Variants in SLC6A11 observed in about 807,000 individuals in gnomAD.
The protein encoded by SLC6A11 is solute carrier family 6 member 11.
A neutral mutation model predicts 74.8 loss-of-function variants in SLC6A11; 25 were observed. The observed-to-expected ratio is 0.33, with a 90% CI of 0.24 to 0.47. The LOEUF (loss-of-function observed/expected upper bound fraction) is 0.47. SLC6A11 is among the 20% of genes least tolerant of loss of function. SLC6A11 has a pLI of 1.00. For synonymous variants in SLC6A11, 330 were observed against 330.2 expected, an observed-to-expected ratio of 1.00 and a Z score of 0.01; for missense variants, 574 against 837.0, an observed-to-expected ratio of 0.69 and a Z score of 3.88.
At chr3:10,820,629 T>C (rs1218790883) in intron 3 of SLC6A11, among the ~76,000 whole-genome samples, 1 of 152,224 alleles carries the variant, frequency 6.6e-6, no homozygotes, top group Non-Finnish European at 1.5e-5. Context: ...GATATATTGT[T>C]TGTTTTTCCA....
Position 10,938,485 on chromosome 3 carries a change from A to G in SLC6A11, c.*83A>G. 1 of 1,389,156 alleles carries G rather than the reference A, an allele frequency of 7.2e-7. No homozygotes were observed. Among genetic ancestry groups the G allele is most frequent in the East Asian group, 2.3e-5 (1 of 43,018 alleles). 86.1% of individuals were successfully genotyped at this position (1,389,156 alleles called of 1,614,324 possible). A position where few individuals can be genotyped will look rare whatever the true frequency, so the allele number is the denominator to read the frequency against. On this transcript the variant is annotated 3_prime_UTR_variant, in exon 14 of 14. Transcript: ENST00000254488. Reference sequence around the variant, plus strand: ...ATTCCTGAACCCCATACTTCACCTAATGGTAGGGGCTTGCTTGTTTTGCAC... The same window carrying G: ...ATTCCTGAACCCCATACTTCACCTAGTGGTAGGGGCTTGCTTGTTTTGCAC...
chr3:10,881,510 G>T (rs977978386), intron 6 of SLC6A11, among the ~76,000 whole-genome samples: 7 of 152,204 alleles, frequency 4.6e-5, no homozygotes, highest in African/African-American at 1.7e-4. Flanking sequence ...GGTCCACTGG[G>T]AAAGTCAGGA....
At chr3:10,888,025 C>T (rs1432558984) in intron 6 of SLC6A11, among the ~76,000 whole-genome samples, 1 of 152,148 alleles carries the variant, frequency 6.6e-6, no homozygotes, top group Non-Finnish European at 1.5e-5. Flanking sequence ...AGATGACTGG[C>T]ATGAAAAGAG....
At chr3:10,857,064 G>A (rs1256782682) in intron 5 of SLC6A11, among the ~76,000 whole-genome samples, 1 of 152,284 alleles carries the variant, frequency 6.6e-6, no homozygotes. Flanking sequence ...TATTTAATGG[G>A]GAATTAAGAT....
chr3:10,818,233 A>G lies in SLC6A11; in HGVS notation c.257-1232A>G, dbSNP rs113512235. Among the ~76,000 whole-genome samples, 100 of 151,504 alleles carry G rather than the reference A, an allele frequency of 6.6e-4. 1 individual carries two copies. Among genetic ancestry groups the G allele is most frequent in the African/African-American group, 2.4e-3 (98 of 41,068 alleles). ...AGTAGCTTTGTGAATACACAGGTCAAAAGGCTTTCTGAAAGTGTCATACGT... is the reference window on the plus strand; with the variant it reads ...AGTAGCTTTGTGAATACACAGGTCAGAAGGCTTTCTGAAAGTGTCATACGT... On this transcript the variant is annotated intron_variant, in intron 1 of 13. Coordinates refer to ENST00000254488, the MANE Select transcript of SLC6A11 (RefSeq NM_014229.3).
intron 4 of SLC6A11, among the ~76,000 whole-genome samples, chr3:10,833,898 A>G (rs1694331254): frequency 6.6e-6 from 1 of 152,236 alleles, no homozygotes; most frequent in Non-Finnish European, 1.5e-5. Context: ...AGTATAGAAC[A>G]GGAAGCAGCA....
chr3:10,882,525 C>T (rs1694994214), intron 6 of SLC6A11, among the ~76,000 whole-genome samples: 2 of 152,134 alleles, frequency 1.3e-5, no homozygotes, highest in African/African-American at 2.4e-5. Context: ...CTGTTACTTG[C>T]CCTGTTCAAT....
At chr3:10,851,422 A>T (rs1280031588) in intron 5 of SLC6A11, among the ~76,000 whole-genome samples, 1 of 151,508 alleles carries the variant, frequency 6.6e-6, no homozygotes, top group African/African-American at 2.4e-5. Flanking sequence ...AAAACCACAC[A>T]CACAGACAGA....
At chr3:10,835,201 T>C (rs1232614776) in intron 4 of SLC6A11, among the ~76,000 whole-genome samples, 1 of 152,162 alleles carries the variant, frequency 6.6e-6, no homozygotes, top group Non-Finnish European at 1.5e-5. Context: ...CAGATTTGCT[T>C]CCCCTCGGGC....
intron 1 of SLC6A11, among the ~76,000 whole-genome samples, chr3:10,818,701 A>C (rs1694096860): frequency 6.6e-6 from 1 of 152,178 alleles, no homozygotes; most frequent in Non-Finnish European, 1.5e-5. Flanking sequence ...ATTAGACAGG[A>C]GGGACAGAAT....
chr3:10,873,385 G>GGCATCCTATCCTATCC (rs1694850882), intron 5 of SLC6A11, among the ~76,000 whole-genome samples: 1 of 118,766 alleles, frequency 8.4e-6, no homozygotes, highest in African/African-American at 3.4e-5. Flanking sequence ...CTTCATTATT[G>GGCATCCTATCCTATCC]TATCCTATCC....
intron 5 of SLC6A11, among the ~76,000 whole-genome samples, chr3:10,855,053 G>A (rs1185464356): frequency 6.6e-6 from 1 of 152,028 alleles, no homozygotes; most frequent in East Asian, 1.9e-4. Flanking sequence ...AGATAGGTAG[G>A]GAATTGGGAG....
chr3:10,920,036 G>A (rs1398203265), intron 8 of SLC6A11, among the ~76,000 whole-genome samples: 2 of 152,150 alleles, frequency 1.3e-5, no homozygotes, highest in Non-Finnish European at 2.9e-5. Flanking sequence ...CTGCGAGGAG[G>A]GATCATTGCC....
chr3:10,873,434 C>CCTACA (rs1271834238), intron 5 of SLC6A11, among the ~76,000 whole-genome samples: 39 of 150,576 alleles, frequency 2.6e-4, no homozygotes, highest in African/African-American at 7.1e-4. Flanking sequence ...CCTATCCTAT[C>CCTACA]CTATCCTATC....
chr3:10,923,165 C>T (rs1468643121), intron 8 of SLC6A11, among the ~76,000 whole-genome samples: 1 of 150,942 alleles, frequency 6.6e-6, no homozygotes, highest in Admixed American at 6.6e-5. Flanking sequence ...TCTTTGTGTG[C>T]TGAGAGGGCC....
At chr3:10,848,324 C>A (rs966195573) in intron 5 of SLC6A11, among the ~76,000 whole-genome samples, 1 of 152,160 alleles carries the variant, frequency 6.6e-6, no homozygotes, top group East Asian at 1.9e-4. Flanking sequence ...ATAAGAACAC[C>A]AGAGGTGAAG....
intron 5 of SLC6A11, among the ~76,000 whole-genome samples, chr3:10,844,656 G>C (rs1005685350): frequency 2.0e-5 from 3 of 152,180 alleles, no homozygotes; most frequent in African/African-American, 7.2e-5. Flanking sequence ...ACTGGGAAAT[G>C]CTGAACTACT....
intron 5 of SLC6A11, among the ~76,000 whole-genome samples, chr3:10,860,906 A>G (rs1332179379): frequency 2.0e-5 from 3 of 152,236 alleles, no homozygotes; most frequent in Non-Finnish European, 2.9e-5. Flanking sequence ...CCAGGTAGAC[A>G]TATACATAAG....
At chr3:10,925,859 G>A (rs1695597743) in intron 8 of SLC6A11, 145 bp from the exon 9 acceptor site, 1 of 649,480 alleles carries the variant, frequency 1.5e-6, no homozygotes, top group East Asian at 2.6e-5. Context: ...AACGCATGGG[G>A]TGGCTGGGAA....
Sources: gnomAD v4.1 joint callset for allele counts (sites outside exome capture counted in the v4.1 genomes callset) on GRCh38, gnomAD v4.1.1 for gene constraint, MANE v1.5 for transcripts, NCBI Gene and HGNC (gene_info 2026-07-23, HGNC 2026-07-21) for gene names.